The following FRMD4A variants were observed in gnomAD, a reference collection of about 807,000 sequenced individuals.
The protein encoded by FRMD4A is FERM domain-containing protein 4A.
FRMD4A carries 29 observed loss-of-function variants against 129.1 expected under a neutral mutation model. That is an observed-to-expected ratio of 0.22 (90% CI 0.17 to 0.31). The LOEUF (loss-of-function observed/expected upper bound fraction) is 0.31. Among genes scored for constraint, FRMD4A ranks in the 10% least tolerant of loss-of-function variants. The pLI, the probability that FRMD4A is intolerant of heterozygous loss-of-function variation, is 1.00. For synonymous variants in FRMD4A, 634 were observed against 571.6 expected (o/e 1.11, Z -1.56); for missense variants, 1,272 against 1,375.8 (o/e 0.92, Z 1.19).
intron 2 of FRMD4A, among the ~76,000 whole-genome samples, chr10:14,321,832 G>T (rs1298238739): frequency 2.6e-5 from 4 of 152,172 alleles, no homozygotes; most frequent in African/African-American, 7.2e-5. Context: ...CCAGTTTTGG[G>T]GAAGGGGCCT....
At chr10:14,107,844 C>A (rs374686854) in intron 2 of FRMD4A, among the ~76,000 whole-genome samples, 9 of 152,244 alleles carry the variant, frequency 5.9e-5, no homozygotes, top group African/African-American at 2.2e-4. Flanking sequence ...TACTCAGACA[C>A]CAATGGATAG....
At position 13,866,345 on chromosome 10, in the gene FRMD4A, T is replaced by C. The variant is rs182994216; in HGVS notation, c.46-7433A>G. The stretch of plus-strand genomic sequence containing the variant: ...TCGGATGCGGGACAGCAGCCCCTCA[T>C]GATCTGACCTCTGACCCAGGCTGTT... On this transcript the variant is annotated intron_variant, in intron 2 of 24. Transcript: ENST00000357447. 217 of 832,528 alleles carry C rather than the reference T, an allele frequency of 2.6e-4. 2 individuals carry two copies. The East Asian group carries it at 0.019, about 73-fold the overall frequency. The allele number at this position is 832,528 out of a possible 1,614,324, so 51.6% of individuals were successfully genotyped here.
At chr10:14,236,678 G>C (rs1303486089) in intron 2 of FRMD4A, among the ~76,000 whole-genome samples, 2 of 152,184 alleles carry the variant, frequency 1.3e-5, no homozygotes, top group African/African-American at 4.8e-5. Context: ...GGCCCTGCTC[G>C]GGTGTCATAC....
At chr10:14,102,436 A>C (rs1402444942) in intron 2 of FRMD4A, among the ~76,000 whole-genome samples, 1 of 152,224 alleles carries the variant, frequency 6.6e-6, no homozygotes, top group Non-Finnish European at 1.5e-5. Context: ...CTGAGGTAGG[A>C]GAATCACTTG....
chr10:13,985,624 G>C (rs1360199125), intron 2 of FRMD4A, among the ~76,000 whole-genome samples: 2 of 152,196 alleles, frequency 1.3e-5, no homozygotes, highest in Non-Finnish European at 2.9e-5. Context: ...GCCAGCCATG[G>C]AACCATGTCG....
chr10:13,984,908 C>G (rs1017890318), intron 2 of FRMD4A, among the ~76,000 whole-genome samples: 3 of 152,226 alleles, frequency 2.0e-5, no homozygotes, highest in East Asian at 1.9e-4. Flanking sequence ...GATCCCATGG[C>G]AATCCTGTGT....
At position 13,853,679 on chromosome 10, in the gene FRMD4A, C is replaced by G. The variant is rs1333322382; in HGVS notation, c.111+5168G>C. Among the ~76,000 whole-genome samples, 13 of 151,782 alleles carry G rather than the reference C, an allele frequency of 8.6e-5. No homozygotes were observed. The South Asian group carries it at 2.5e-3, about 29-fold the overall frequency. The stretch of plus-strand genomic sequence containing the variant: ...CGCAACCCTGTCTCTACTAAAAATA[C>G]AAAAGTAGCTGGGCATGGTGATGCA... On this transcript the variant is annotated intron_variant, in intron 3 of 24. Coordinates refer to ENST00000357447, the MANE Select transcript of FRMD4A (RefSeq NM_018027.5).
At chr10:13,717,080 C>T (rs1589522642) in intron 12 of FRMD4A, among the ~76,000 whole-genome samples, 1 of 152,152 alleles carries the variant, frequency 6.6e-6, no homozygotes, top group East Asian at 1.9e-4. Context: ...GTTTTTCTAG[C>T]AATGAGCACT....
At chr10:13,947,002 G>A (rs1351022359) in intron 2 of FRMD4A, among the ~76,000 whole-genome samples, 1 of 152,170 alleles carries the variant, frequency 6.6e-6, no homozygotes, top group Admixed American at 6.5e-5. Flanking sequence ...TACCTGAGCT[G>A]TAGGACTTCA....
At chr10:14,298,672 G>A (rs559480532) in intron 2 of FRMD4A, among the ~76,000 whole-genome samples, 2 of 152,294 alleles carry the variant, frequency 1.3e-5, no homozygotes, top group South Asian at 4.1e-4. Flanking sequence ...TTTTGACCTT[G>A]GGATCAACAC....
At chr10:14,105,035 A>G (rs1365801353) in intron 2 of FRMD4A, among the ~76,000 whole-genome samples, 1 of 152,178 alleles carries the variant, frequency 6.6e-6, no homozygotes, top group East Asian at 1.9e-4. Flanking sequence ...GGGCCCTTCC[A>G]TCATCCCAGA....
chr10:13,998,574 G>GT (rs1253652540), intron 2 of FRMD4A, among the ~76,000 whole-genome samples: 5 of 152,198 alleles, frequency 3.3e-5, no homozygotes, highest in Non-Finnish European at 7.3e-5. Flanking sequence ...CGCCCAGGCT[G>GT]TCATCACTGA....
intron 2 of FRMD4A, among the ~76,000 whole-genome samples, chr10:13,912,844 C>T (rs546718048): frequency 2.3e-4 from 35 of 151,946 alleles, no homozygotes; most frequent in Admixed American, 1.3e-3. Context: ...GAGGCTGAGG[C>T]GGGTAGATCA....
chr10:14,036,805 C>T (rs927715583), intron 2 of FRMD4A, among the ~76,000 whole-genome samples: 2 of 151,888 alleles, frequency 1.3e-5, no homozygotes, highest in South Asian at 4.2e-4. Context: ...AGACTGGTCT[C>T]GAACTCCTGA....
intron 9 of FRMD4A, among the ~76,000 whole-genome samples, chr10:13,745,850 G>C (rs2091262299): frequency 6.6e-6 from 1 of 152,128 alleles, no homozygotes; most frequent in Non-Finnish European, 1.5e-5. Context: ...ACAGCCAGGA[G>C]GCTACAGAGG....
chr10:13,998,334 C>T (rs1352598621), intron 2 of FRMD4A, among the ~76,000 whole-genome samples: 1 of 152,284 alleles, frequency 6.6e-6, no homozygotes, highest in Non-Finnish European at 1.5e-5. Flanking sequence ...TTTCAAACTG[C>T]TCATCTGTCA....
intron 4 of FRMD4A, among the ~76,000 whole-genome samples, chr10:13,808,000 T>C (rs2093384636): frequency 6.6e-6 from 1 of 152,140 alleles, no homozygotes; most frequent in African/African-American, 2.4e-5. Flanking sequence ...GGTTTCACCA[T>C]GTTGGCCAGG....
intron 2 of FRMD4A, among the ~76,000 whole-genome samples, chr10:13,989,148 C>T (rs556019121): frequency 6.6e-6 from 1 of 152,154 alleles, no homozygotes; most frequent in South Asian, 2.1e-4. Flanking sequence ...TCTCAGTCTT[C>T]CAGCCCCCTA....
intron 2 of FRMD4A, among the ~76,000 whole-genome samples, chr10:13,882,806 GTT>G (rs60332129): frequency 2.4e-5 from 3 of 125,778 alleles, no homozygotes; most frequent in East Asian, 2.6e-4. Flanking sequence ...TAATTTTTTG[GTT>G]TTTTTTTTTT....
Sources: gnomAD v4.1 joint callset for allele counts (sites outside exome capture counted in the v4.1 genomes callset) on GRCh38, gnomAD v4.1.1 for gene constraint, MANE v1.5 for transcripts, NCBI Gene and HGNC (gene_info 2026-07-23, HGNC 2026-07-21) for gene names.